Variants in VPS41 observed in about 807,000 individuals in gnomAD.
VPS41 encodes VPS41 subunit of HOPS complex.
In VPS41, 85 loss-of-function variants were observed where a neutral mutation model predicts 130.9. That is an observed-to-expected ratio of 0.65 (90% CI 0.55 to 0.78). The LOEUF (loss-of-function observed/expected upper bound fraction) is 0.78. VPS41 is among the 30% of genes least tolerant of loss of function. VPS41 has a pLI of 0.00. For missense variants in VPS41, 874 were observed against 1,018.7 expected (o/e 0.86, Z 1.93); for synonymous variants, 335 against 332.9 (o/e 1.01, Z -0.07).
At chr7:38,862,678 G>A in intron 3 of VPS41, 56 bp from the exon 4 acceptor site, 1 of 1,106,336 alleles carries the variant, frequency 9.0e-7, no homozygotes, top group Non-Finnish European at 1.3e-6. Context: ...TAATACACAA[G>A]TAGTAACAAA....
At chr7:38,867,676 C>T (rs756580333) in intron 3 of VPS41, among the ~76,000 whole-genome samples, 7 of 152,192 alleles carry the variant, frequency 4.6e-5, no homozygotes, top group African/African-American at 7.2e-5. Context: ...GAAATGACAT[C>T]ATCCTCTAAG....
intron 17 of VPS41, among the ~76,000 whole-genome samples, chr7:38,761,544 C>T (rs1011419493): frequency 6.6e-6 from 1 of 151,662 alleles, no homozygotes; most frequent in African/African-American, 2.4e-5. Context: ...CAGCCTCCCA[C>T]AGCCTCCCAA....
chr7:38,879,742 TGG>T (rs1786562753), intron 2 of VPS41, among the ~76,000 whole-genome samples: 1 of 152,134 alleles, frequency 6.6e-6, no homozygotes, highest in Non-Finnish European at 1.5e-5. Flanking sequence ...TCTAATGCTG[TGG>T]CTGATCTAAC....
Position 38,728,729 on chromosome 7 carries a change from T to C in VPS41, c.2322A>G (p.Lys774=), listed in dbSNP as rs1795598810. 1.2e-5 allele frequency: 20 copies of C among 1,614,038 alleles called. No individual in the cohort carries two copies. Among genetic ancestry groups the C allele is most frequent in the Non-Finnish European group, 1.7e-5 (20 of 1,180,028 alleles). The part of the protein sequence containing the change: ...LVADSLSLLK[K]MHRTQMKGVL... Reference sequence around the variant, plus strand: ...CACCTTTCATTTGAGTTCGGTGCATTTTCTTCAGTAAGGACAAAGAGTCAG... The same window carrying C: ...CACCTTTCATTTGAGTTCGGTGCATCTTCTTCAGTAAGGACAAAGAGTCAG... The change falls in exon 26 of 29, where the codon AAA becomes AAG. Residue 774 remains lysine (K), a synonymous_variant. Coordinates refer to ENST00000310301, the MANE Select transcript of VPS41 (RefSeq NM_014396.4).
At chr7:38,780,496 T>A (rs1784337316) in intron 10 of VPS41, among the ~76,000 whole-genome samples, 1 of 151,548 alleles carries the variant, frequency 6.6e-6, no homozygotes, top group African/African-American at 2.4e-5. Flanking sequence ...TCTAGCAGAG[T>A]AAGAAAGAGA....
chr7:38,748,335 A>G lies in VPS41; in HGVS notation c.1927-2722T>C, dbSNP rs375447192. ...TAATATTTTAATTCTCCTCTTTCTG[A>G]TTTAGTATGAAGGTAAAGAATGAAG... On this transcript the variant is annotated intron_variant, in intron 22 of 28. Coordinates refer to ENST00000310301, the MANE Select transcript of VPS41 (RefSeq NM_014396.4). Among the ~76,000 whole-genome samples, 14 of 152,292 alleles carry G rather than the reference A, an allele frequency of 9.2e-5. No homozygotes were observed. In the East Asian group the frequency reaches 1.2e-3, roughly 13 times the overall value.
intron 13 of VPS41, 152 bp downstream of exon 13, chr7:38,772,370 A>AG (rs1303492919): frequency 8.8e-5 from 45 of 511,166 alleles, no homozygotes; most frequent in Non-Finnish European, 1.2e-4. Flanking sequence ...TAATTTCTGA[A>AG]GGGGGTACTA....
At chr7:38,877,629 C>CA (rs1244855541) in intron 2 of VPS41, among the ~76,000 whole-genome samples, 2 of 152,072 alleles carry the variant, frequency 1.3e-5, no homozygotes, top group African/African-American at 4.8e-5. Flanking sequence ...TTCCATAAGC[C>CA]AAGTGCAAAG....
At chr7:38,783,938 C>T (rs1784395839) in intron 10 of VPS41, among the ~76,000 whole-genome samples, 1 of 152,132 alleles carries the variant, frequency 6.6e-6, no homozygotes, top group African/African-American at 2.4e-5. Context: ...TTTATAGATA[C>T]ATTTTATTGA....
At chr7:38,811,834 G>A (rs1241602473) in intron 7 of VPS41, among the ~76,000 whole-genome samples, 1 of 151,950 alleles carries the variant, frequency 6.6e-6, no homozygotes, top group Non-Finnish European at 1.5e-5. Flanking sequence ...TTTGACTTAT[G>A]ATTATTTGAC....
intron 28 of VPS41, 75 bp from the exon 29 acceptor site, chr7:38,726,401 G>C: frequency 1.7e-6 from 2 of 1,165,090 alleles, no homozygotes; most frequent in Middle Eastern, 2.1e-4. Flanking sequence ...AAACACTAAG[G>C]TAGCGTTAGT....
chr7:38,758,547 A>C (rs1269119184), intron 17 of VPS41, 66 bp from the exon 18 acceptor site: 9 of 1,498,482 alleles, frequency 6.0e-6, no homozygotes, highest in African/African-American at 1.4e-5. Context: ...GATATTGTGA[A>C]ATATACATTT....
At chr7:38,758,740 C>G (rs1243348765) in intron 17 of VPS41, among the ~76,000 whole-genome samples, 1 of 152,198 alleles carries the variant, frequency 6.6e-6, no homozygotes, top group Non-Finnish European at 1.5e-5. Flanking sequence ...GCCCTACCCC[C>G]ACCCCTGCCC....
chr7:38,854,686 ACTT>A (rs1785939846), intron 4 of VPS41, among the ~76,000 whole-genome samples: 10 of 152,120 alleles, frequency 6.6e-5, no homozygotes, highest in Admixed American at 6.5e-4. Flanking sequence ...AGTTCAGCGA[ACTT>A]CTATCAATTT....
In VPS41 at chr7:38,726,935, TG is replaced by T; in HGVS notation, c.2457del (p.His819GlnfsTer10). On this transcript the variant is annotated frameshift_variant, in exon 28 of 29. Transcript: ENST00000310301. LOFTEE classifies it high-confidence loss of function. ...VVVFHCRHMFHKECLPMPSMN... is the reference protein window; with the variant it reads ...VVVFHCRHMFXKECLPMPSMN... ...ATGCTGGGCATGGGCAGGCACTCCT[TG>T]TGGAACATGTGCCGGCAATGGAAGA... The T allele has an allele frequency of 6.3e-7, 1 of 1,589,204 alleles. No homozygotes were observed. Among genetic ancestry groups the T allele is most frequent in the Non-Finnish European group, 8.6e-7 (1 of 1,167,728 alleles).
intron 9 of VPS41, among the ~76,000 whole-genome samples, chr7:38,793,888 C>T (rs1292889297): frequency 3.3e-5 from 5 of 152,134 alleles, no homozygotes; most frequent in African/African-American, 1.2e-4. Context: ...ATTTAGGGCC[C>T]ACCCAGATAA....
intron 19 of VPS41, 65 bp from the exon 20 acceptor site, chr7:38,755,001 A>G: frequency 1.4e-6 from 2 of 1,468,528 alleles, no homozygotes; most frequent in Non-Finnish European, 1.9e-6. Flanking sequence ...GACTAAACAC[A>G]ATGCAGTGTA....
At chr7:38,824,244 T>C (rs755969496) in intron 5 of VPS41, among the ~76,000 whole-genome samples, 1 of 152,236 alleles carries the variant, frequency 6.6e-6, no homozygotes, top group Non-Finnish European at 1.5e-5. Context: ...TCCCTAAATG[T>C]GTCAACATGC....
At chr7:38,736,990 G>A (rs998983686) in intron 25 of VPS41, among the ~76,000 whole-genome samples, 1 of 152,134 alleles carries the variant, frequency 6.6e-6, no homozygotes, top group African/African-American at 2.4e-5. Flanking sequence ...TTCCACATTC[G>A]CACCACTTTT....
Sources: allele counts gnomAD v4.1 joint callset (sites outside exome capture counted in the v4.1 genomes callset), GRCh38; gene constraint gnomAD v4.1.1; transcripts MANE v1.5; gene names NCBI Gene and HGNC (gene_info 2026-07-23, HGNC 2026-07-21).